Variants in SCEL observed in about 807,000 individuals in gnomAD.
The protein encoded by SCEL is sciellin.
Under a neutral mutation model 117.6 loss-of-function variants are expected in SCEL, and 113 were observed. That is an observed-to-expected ratio of 0.96 (90% confidence interval 0.83 to 1.12). SCEL has a LOEUF of 1.12. Ranked by LOEUF, SCEL falls within the 50% of genes most tolerant of loss-of-function variation. The pLI, the probability that SCEL is intolerant of heterozygous loss-of-function variation, is 0.00. For missense variants in SCEL, 785 were observed against 810.8 expected (o/e 0.97, Z 0.39); for synonymous variants, 270 against 256.2 (o/e 1.05, Z -0.51).
chr13:77,613,745 T>TA (rs1025113002), intron 23 of SCEL, 148 bp from the exon 24 acceptor site: 5 of 670,216 alleles, frequency 7.5e-6, no homozygotes, highest in Admixed American at 5.5e-5. Context: ...TTGTGAGGAT[T>TA]AAAAAAATGG....
At chr13:77,589,430 A>G (rs1003783451) in intron 10 of SCEL, among the ~76,000 whole-genome samples, 1 of 152,228 alleles carries the variant, frequency 6.6e-6, no homozygotes, top group Non-Finnish European at 1.5e-5. Flanking sequence ...AACTTGTCTT[A>G]AGAAAATATG....
At chr13:77,619,503 T>C (rs752814208) in intron 27 of SCEL, among the ~76,000 whole-genome samples, 1 of 152,194 alleles carries the variant, frequency 6.6e-6, no homozygotes, top group Non-Finnish European at 1.5e-5. Flanking sequence ...ACTCTCTTCT[T>C]CTTTCCATTC....
chr13:77,546,837 A>C (rs1390497795), intron 1 of SCEL, among the ~76,000 whole-genome samples: 1 of 152,128 alleles, frequency 6.6e-6, no homozygotes, highest in Non-Finnish European at 1.5e-5. Flanking sequence ...CTGCTCTGCT[A>C]TTTTTCGTGT....
chr13:77,640,715 A>T lies in SCEL; in HGVS notation c.1878A>T (p.Lys626Asn), dbSNP rs760571362. The T allele has an allele frequency of 6.2e-5, 100 of 1,605,784 alleles. No individual in the cohort carries two copies. The highest frequency in any genetic ancestry group is 7.5e-5 in the Non-Finnish European group (88 of 1,175,256). Residue 626 changes from lysine (K) to asparagine (N), a missense_variant, in exon 31 of 33, where the codon AAA becomes AAT. Coordinates refer to ENST00000349847, the MANE Select transcript of SCEL (RefSeq NM_144777.3). ...IERDMCTYCRKPLGVETKMIL... is the reference protein window; with the variant it reads ...IERDMCTYCRNPLGVETKMIL... ...GAGATATGTGCACTTACTGCCGAAAACCCTTGGGTGTAGAAACTAAAATGA... is the reference window on the plus strand; with the variant it reads ...GAGATATGTGCACTTACTGCCGAAATCCCTTGGGTGTAGAAACTAAAATGA...
Position 77,559,807 on chromosome 13 carries a change from TG to T in SCEL, c.166del (p.Glu56LysfsTer21). 1.2e-6 allele frequency: 2 copies of T among 1,613,634 alleles called. No homozygotes were observed. Among genetic ancestry groups the T allele is most frequent in the Non-Finnish European group, 1.7e-6 (2 of 1,179,678 alleles). On this transcript the variant is annotated frameshift_variant, in exon 4 of 33. Transcript: ENST00000349847. LOFTEE classifies it high-confidence loss of function. ...IKKRPEEEKDENYGRVVLNRH... is the reference protein window; with the variant it reads ...IKKRPEEEKDXNYGRVVLNRH... The stretch of plus-strand genomic sequence containing the variant: ...TACTTTTGTTCTTTCTTTGCAGAGA[TG>T]AAAATTACGGTAGGGTGGTGCTCAA...
chr13:77,582,701 G>A (rs940894957), intron 9 of SCEL, among the ~76,000 whole-genome samples: 1 of 152,082 alleles, frequency 6.6e-6, no homozygotes, highest in Non-Finnish European at 1.5e-5. Flanking sequence ...ATGCACTTTT[G>A]AGAGCCAAAG....
At chr13:77,628,162 A>ATATG (rs1555518998) in intron 28 of SCEL, among the ~76,000 whole-genome samples, 153 bp downstream of exon 28, 1 of 89,980 alleles carries the variant, frequency 1.1e-5, no homozygotes, top group African/African-American at 3.6e-5. Flanking sequence ...GTGTATATAT[A>ATATG]TGTGTGTGTA....
At chr13:77,632,401 TTAGC>T (rs2090066516) in intron 28 of SCEL, among the ~76,000 whole-genome samples, 1 of 152,246 alleles carries the variant, frequency 6.6e-6, no homozygotes, top group Non-Finnish European at 1.5e-5. Flanking sequence ...CAAGTGATTC[TTAGC>T]TAGGTTTGTT....
Position 77,568,327 on chromosome 13 carries a change from C to A in SCEL, c.392C>A (p.Thr131Lys). Residue 131 changes from threonine (T) to lysine (K), a missense_variant, in exon 7 of 33, where the codon ACA (threonine) becomes AAA (lysine). Physicochemically the swap from Thr to Lys is moderately conservative, Grantham distance 78. Coordinates refer to ENST00000349847, the MANE Select transcript of SCEL (RefSeq NM_144777.3). ...SMSMFRSLEV[T>K]KLQPGGSLNA... ...TCCATGTTTAGATCACTGGAAGTAA[C>A]AAAGTTGTATGTATTCTTTCTAATT... The A allele has an allele frequency of 6.4e-7, 1 of 1,565,548 alleles. No homozygotes were observed. Among genetic ancestry groups the A allele is most frequent in the Non-Finnish European group, 8.8e-7 (1 of 1,141,486 alleles).
intron 28 of SCEL, among the ~76,000 whole-genome samples, chr13:77,630,155 C>A (rs1019136493): frequency 1.3e-5 from 2 of 152,118 alleles, no homozygotes; most frequent in African/African-American, 4.8e-5. Context: ...GAGACTGAGA[C>A]AGGAGGGCAG....
intron 9 of SCEL, among the ~76,000 whole-genome samples, chr13:77,581,657 C>T (rs1469652511): frequency 6.6e-6 from 1 of 152,170 alleles, no homozygotes; most frequent in African/African-American, 2.4e-5. Flanking sequence ...CTGTCAAAAA[C>T]GTCACCTTGC....
intron 1 of SCEL, among the ~76,000 whole-genome samples, chr13:77,536,046 A>G (rs2083409296): frequency 6.6e-6 from 1 of 151,886 alleles, no homozygotes. Flanking sequence ...CGTTATGGGC[A>G]TCACAGAAAC....
rs545886865 is a variant in SCEL at position 77,621,234 on chromosome 13, T to C, written c.1628+3174T>C. Among the ~76,000 whole-genome samples the C allele has an allele frequency of 1.1e-4, 16 of 152,292 alleles. 1 individual carries two copies. The South Asian group carries it at 3.3e-3, about 32-fold the overall frequency. ...ATTAAACTCCTTCTGTGGCTCCCCA[T>C]TGCCATTGCATAATGGCCATGCTCC... On this transcript the variant is annotated intron_variant, in intron 27 of 32. Transcript: ENST00000349847.
At chr13:77,573,650 TATCTATC>T (rs2085772177) in intron 9 of SCEL, among the ~76,000 whole-genome samples, 1 of 147,278 alleles carries the variant, frequency 6.8e-6, no homozygotes, top group African/African-American at 2.6e-5. Flanking sequence ...TCTATCTATC[TATCTATC>T]TATCTATCTA....
At chr13:77,602,160 A>T in intron 16 of SCEL, 36 bp downstream of exon 16, 3 of 1,569,794 alleles carry the variant, frequency 1.9e-6, no homozygotes, top group East Asian at 2.3e-5. Context: ...AGCTCTTTTT[A>T]TTCAGGTTAG....
chr13:77,644,658 T>C lies in SCEL; in HGVS notation c.*384T>C, dbSNP rs1238896236. 6.1e-6 allele frequency: 1 copy of C among 163,286 alleles called. No homozygotes were observed. The highest frequency in any genetic ancestry group is 2.4e-5 in the African/African-American group (1 of 41,774). 10.1% of individuals were successfully genotyped at this position (163,286 alleles called of 1,614,324 possible). On this transcript the variant is annotated 3_prime_UTR_variant, in exon 33 of 33. Coordinates refer to ENST00000349847, the MANE Select transcript of SCEL (RefSeq NM_144777.3). ...GAATTTGGATTCGTAGACATTGACA[T>C]CCCGAAGAACTGTCAAGGAAGCAAG...
intron 1 of SCEL, among the ~76,000 whole-genome samples, chr13:77,555,270 G>C (rs1194671201): frequency 6.6e-6 from 1 of 152,156 alleles, no homozygotes; most frequent in South Asian, 2.1e-4. Flanking sequence ...CAGAAGAGTA[G>C]TTCAGGAACT....
chr13:77,569,793 T>C (rs2085491899), intron 8 of SCEL, among the ~76,000 whole-genome samples: 1 of 152,216 alleles, frequency 6.6e-6, no homozygotes, highest in Non-Finnish European at 1.5e-5. Context: ...CCGGCCTGTA[T>C]CTGGAGATGC....
chr13:77,556,948 A>G (rs17067894), intron 3 of SCEL, among the ~76,000 whole-genome samples: 20,278 of 152,214 alleles, frequency 0.13, 1,439 homozygotes, highest in Non-Finnish European at 0.15. Context: ...TTACTGAGAG[A>G]GAGCCTGGTT....
Sources: allele counts gnomAD v4.1 joint callset (sites outside exome capture counted in the v4.1 genomes callset), GRCh38; gene constraint gnomAD v4.1.1; transcripts MANE v1.5; gene names NCBI Gene and HGNC (gene_info 2026-07-23, HGNC 2026-07-21).